CREBBP: variants seen among roughly 807,000 people sequenced by gnomAD.
CREBBP encodes the protein CREB-binding protein.
CREBBP carries 19 observed loss-of-function variants against 265.0 expected under a neutral mutation model. The ratio of observed to expected loss-of-function variants is 0.07; its 90% CI spans 0.05 to 0.11. The LOEUF is 0.11. Among genes scored for constraint, CREBBP ranks in the 10% least tolerant of loss-of-function variants. The pLI is 1.00. For missense variants in CREBBP, 2,525 were observed against 3,219.0 expected (o/e 0.78, Z 5.22); for synonymous variants, 1,457 against 1,223.7 (o/e 1.19, Z -3.98).
chr16:3,859,198 TA>T (rs1424212299), intron 1 of CREBBP, among the ~76,000 whole-genome samples: 5 of 152,120 alleles, frequency 3.3e-5, no homozygotes, highest in Non-Finnish European at 5.9e-5. Context: ...TTTTATTTTT[TA>T]TTTTTTTATT....
intron 23 of CREBBP, among the ~76,000 whole-genome samples, chr16:3,744,252 C>T (rs1414852708): frequency 6.6e-6 from 1 of 152,092 alleles, no homozygotes; most frequent in Non-Finnish European, 1.5e-5. Flanking sequence ...TGGCTCATAC[C>T]CCACTGTAGC....
At chr16:3,751,196 T>G (rs1596837956) in intron 20 of CREBBP, among the ~76,000 whole-genome samples, 1 of 152,222 alleles carries the variant, frequency 6.6e-6, no homozygotes, top group African/African-American at 2.4e-5. Context: ...TACCACCGCC[T>G]TGAATGATAA....
intron 26 of CREBBP, among the ~76,000 whole-genome samples, chr16:3,737,741 G>A (rs2052102220): frequency 6.6e-6 from 1 of 151,390 alleles, no homozygotes; most frequent in Non-Finnish European, 1.5e-5. Context: ...TAGGATTACA[G>A]ACTAGGTGAG....
At position 3,759,947 on chromosome 16, in the gene CREBBP, C is replaced by G. The variant is rs150740577; in HGVS notation, c.3251-975G>C. Among the ~76,000 whole-genome samples the G allele has an allele frequency of 3.2e-3, 491 of 152,216 alleles. 5 individuals are homozygous for G. Among genetic ancestry groups the G allele is most frequent in the African/African-American group, 0.011 (467 of 41,534 alleles). On this transcript the variant is annotated intron_variant, in intron 16 of 30. Transcript: ENST00000262367. ...CAGGGAAGCTGTTCGGTGTGGGAGG[C>G]CGGCCAGTCAGCAGTCAGCGTGTCA... is the stretch of plus-strand genomic sequence containing the variant.
At chr16:3,775,589 A>G (rs945898659) in intron 11 of CREBBP, among the ~76,000 whole-genome samples, 23 of 152,196 alleles carry the variant, frequency 1.5e-4, no homozygotes, top group African/African-American at 5.1e-4. Context: ...GTACCCTCAA[A>G]TAACGGAGTG....
intron 2 of CREBBP, among the ~76,000 whole-genome samples, chr16:3,821,125 T>A (rs1186579062): frequency 1.3e-5 from 2 of 152,252 alleles, no homozygotes; most frequent in African/African-American, 4.8e-5. Flanking sequence ...GTCCCTCAGT[T>A]TTCCTTATCT....
chr16:3,735,094 C>T (rs942872496), intron 28 of CREBBP, among the ~76,000 whole-genome samples: 1 of 152,162 alleles, frequency 6.6e-6, no homozygotes, highest in Non-Finnish European at 1.5e-5. Flanking sequence ...CCGCACAAAC[C>T]CGCACACAGC....
At chr16:3,732,737 G>C (rs1183824633) in intron 28 of CREBBP, among the ~76,000 whole-genome samples, 1 of 151,566 alleles carries the variant, frequency 6.6e-6, no homozygotes, top group Non-Finnish European at 1.5e-5. Flanking sequence ...TCTCGCTCTT[G>C]TCACCCAAGC....
intron 1 of CREBBP, among the ~76,000 whole-genome samples, chr16:3,852,422 C>T (rs1171347260): frequency 6.6e-6 from 1 of 152,020 alleles, no homozygotes; most frequent in African/African-American, 2.4e-5. Context: ...TGGGAGGCCT[C>T]AGCCTCCCAA....
At chr16:3,796,017 G>A (rs2053600978) in intron 3 of CREBBP, among the ~76,000 whole-genome samples, 1 of 152,072 alleles carries the variant, frequency 6.6e-6, no homozygotes, top group South Asian at 2.1e-4. Flanking sequence ...CCTGTATTTG[G>A]TTGTTTTTAA....
At chr16:3,745,724 C>T (rs2052326423) in intron 21 of CREBBP, 2 of 365,868 alleles carry the variant, frequency 5.5e-6, no homozygotes, top group Non-Finnish European at 1.0e-5. Flanking sequence ...TTTCACATGC[C>T]AAAACTGACT....
intron 15 of CREBBP, among the ~76,000 whole-genome samples, chr16:3,768,804 C>T (rs1189714006): frequency 6.6e-6 from 1 of 152,194 alleles, no homozygotes; most frequent in Admixed American, 6.5e-5. Context: ...ATCCAGCCCA[C>T]GGTCTGCCAG....
At position 3,731,419 on chromosome 16, in the gene CREBBP, T is replaced by G. The variant is rs770096963; in HGVS notation, c.4945A>C (p.Ile1649Leu). The change falls in exon 30 of 31, where the codon ATC becomes CTC. Residue 1649 changes from isoleucine to leucine, a missense_variant. By Grantham distance (5) the Ile-to-Leu change is conservative. This residue lies in a region of CREBBP where 37 missense variants were observed against 34.1 expected (regional missense o/e 1.09). Transcript: ENST00000262367. The surrounding 1 kb of genome is among the most constrained non-coding windows in gnomAD (Gnocchi z 7.7). The stretch of plus-strand genomic sequence containing the variant: ...CTGAGCAGGGGGTCGGGGTCGACGA[T>G]GGGGGGCAGGGTGTTGATGACAGGC... ...AGPVINTLPP[I>L]VDPDPLLSCD... 3.1e-6 allele frequency: 5 copies of G among 1,603,828 alleles called. No homozygotes were observed. Among genetic ancestry groups the G allele is most frequent in the Non-Finnish European group, 4.3e-6 (5 of 1,176,178 alleles).
At chr16:3,769,417 C>A (rs886608314) in intron 14 of CREBBP, 64 bp from the exon 15 acceptor site, 236 of 1,580,770 alleles carry the variant, frequency 1.5e-4, no homozygotes, top group Non-Finnish European at 2.0e-4. Flanking sequence ...TTCAACTATG[C>A]TGCTCATGCA....
rs536613932 is a variant in CREBBP, at chr16:3,770,597, A to G, written c.2853T>C (p.Pro951=). The G allele has an allele frequency of 1.2e-5, 20 of 1,613,674 alleles. No individual in the cohort carries two copies. In the African/African-American group the frequency reaches 2.5e-4, roughly 20 times the overall value. Residue 951 remains proline, a synonymous_variant, in exon 14 of 31, where the codon CCT becomes CCC. Coordinates refer to ENST00000262367, the MANE Select transcript of CREBBP (RefSeq NM_004380.3). Reference sequence around the variant, plus strand: ...GTGTGCCAGGAGGCTGGGCGTGCACAGGCGTCGGCTGTTGCTGCGATGACT... The same window carrying G: ...GTGTGCCAGGAGGCTGGGCGTGCACGGGCGTCGGCTGTTGCTGCGATGACT... ...TPQSSQQQPT[P]VHAQPPGTPL...
intron 2 of CREBBP, among the ~76,000 whole-genome samples, chr16:3,814,344 T>C (rs2053998250): frequency 6.6e-6 from 1 of 151,450 alleles, no homozygotes; most frequent in African/African-American, 2.4e-5. Context: ...AACCTCCGCC[T>C]CCCAGATTCA....
chr16:3,851,857 T>C (rs1158794950), intron 1 of CREBBP, among the ~76,000 whole-genome samples: 1 of 87,104 alleles, frequency 1.1e-5, no homozygotes, highest in African/African-American at 8.2e-5. Context: ...CGAGACTCCG[T>C]CTCAAAAAAA....
At chr16:3,828,999 A>G (rs943048548) in intron 2 of CREBBP, among the ~76,000 whole-genome samples, 1 of 152,080 alleles carries the variant, frequency 6.6e-6, no homozygotes, top group Non-Finnish European at 1.5e-5. Context: ...ATCCTTGCTC[A>G]TACCTGGATC....
intron 16 of CREBBP, among the ~76,000 whole-genome samples, chr16:3,760,893 C>T (rs1399694192): frequency 6.6e-6 from 1 of 152,208 alleles, no homozygotes; most frequent in Non-Finnish European, 1.5e-5. Context: ...CTGCCTCAGC[C>T]TCTCAAAGCA....
Sources: gnomAD v4.1 joint callset for allele counts (sites outside exome capture counted in the v4.1 genomes callset) on GRCh38, gnomAD v4.1.1 for gene constraint, gnomAD v4.1.1 regional missense constraint, Gnocchi (gnomAD v3.1) non-coding constraint, MANE v1.5 for transcripts, NCBI Gene and HGNC (gene_info 2026-07-23, HGNC 2026-07-21) for gene names.